LOXL2: variants seen among roughly 807,000 people sequenced by gnomAD.
The protein encoded by LOXL2 is lysyl oxidase homolog 2.
Under a neutral mutation model 93.0 loss-of-function variants are expected in LOXL2, and 70 were observed. The observed-to-expected ratio is 0.75, with a 90% CI of 0.62 to 0.92. LOXL2 has a LOEUF of 0.92. LOXL2 is among the 40% of genes least tolerant of loss of function. The probability of loss-of-function intolerance (pLI) is 0.00; values close to 1 mark genes in which losing one functional copy is unlikely to be tolerated. For missense variants in LOXL2, 973 were observed against 1,054.9 expected (o/e 0.92, Z 1.08); for synonymous variants, 438 against 413.2 (o/e 1.06, Z -0.73).
intron 3 of LOXL2, among the ~76,000 whole-genome samples, chr8:23,344,993 A>C (rs1803946646): frequency 6.6e-6 from 1 of 152,200 alleles, no homozygotes; most frequent in East Asian, 1.9e-4. Context: ...GTCAGCTTTG[A>C]ATAATGACAG....
At chr8:23,342,792 C>T (rs148722402) in intron 3 of LOXL2, among the ~76,000 whole-genome samples, 1 of 152,022 alleles carries the variant, frequency 6.6e-6, no homozygotes, top group African/African-American at 2.4e-5. Flanking sequence ...ACTCTGTTGC[C>T]CAGGCTGGAG....
At chr8:23,328,213 G>A (rs1451864609) in intron 6 of LOXL2, among the ~76,000 whole-genome samples, 169 bp downstream of exon 6, 8 of 152,062 alleles carry the variant, frequency 5.3e-5, no homozygotes, top group South Asian at 2.1e-4. Flanking sequence ...GTTCTCTAAG[G>A]CCCCTTTCAA....
intron 1 of LOXL2, among the ~76,000 whole-genome samples, chr8:23,389,580 T>C (rs2117234600): frequency 6.6e-6 from 1 of 152,326 alleles, no homozygotes; most frequent in East Asian, 1.9e-4. Context: ...CAATTGTTTT[T>C]ATTGCCAATA....
At chr8:23,363,745 A>G (rs1461595805) in intron 2 of LOXL2, 2 of 151,494 alleles carry the variant, frequency 1.3e-5, no homozygotes, top group African/African-American at 4.8e-5. Flanking sequence ...TGGACCCCCA[A>G]TAATCTTCCA....
chr8:23,299,234 G>A (rs1477552864), intron 12 of LOXL2, among the ~76,000 whole-genome samples: 4 of 152,202 alleles, frequency 2.6e-5, no homozygotes, highest in African/African-American at 9.6e-5. Flanking sequence ...ACCCACTCCT[G>A]GGAGTTCTGG....
intron 4 of LOXL2, among the ~76,000 whole-genome samples, chr8:23,334,720 T>C (rs997387403): frequency 4.2e-4 from 64 of 151,890 alleles, no homozygotes; most frequent in Admixed American, 4.2e-3. Context: ...AAGTAATAGA[T>C]TGGCTACCAA....
rs576705012 is a variant in LOXL2 at position 23,321,807 on chromosome 8, G to A, written c.1302+323C>T. On this transcript the variant is annotated intron_variant, in intron 7 of 13. Coordinates refer to ENST00000389131, the MANE Select transcript of LOXL2 (RefSeq NM_002318.3). The stretch of plus-strand genomic sequence containing the variant: ...GCAGAGCACAGCCAGGCTGCACCGT[G>A]TTTTGATAAGGTTGTGGCTAGCCGG... The A allele has an allele frequency of 1.7e-5, 5 of 288,078 alleles. 1 individual carries two copies. The South Asian group carries it at 3.3e-4, about 19-fold the overall frequency. The allele number at this position is 288,078 out of a possible 1,614,324, so 17.8% of individuals were successfully genotyped here.
chr8:23,321,848 TGGA>T, intron 7 of LOXL2: 1 of 393,688 alleles, frequency 2.5e-6, no homozygotes, highest in South Asian at 4.0e-5. Context: ...CGCCTGTCTT[TGGA>T]GGTGGTGGGG....
At chr8:23,352,260 T>C (rs191968197) in intron 3 of LOXL2, among the ~76,000 whole-genome samples, 1 of 152,322 alleles carries the variant, frequency 6.6e-6, no homozygotes, top group Admixed American at 6.5e-5. Context: ...GTGCCCTTGC[T>C]GAAAAGTCCG....
At chr8:23,303,437 A>C (rs1803174079) in intron 10 of LOXL2, 40 bp from the exon 11 acceptor site, 1 of 1,198,818 alleles carries the variant, frequency 8.3e-7, no homozygotes, top group African/African-American at 1.5e-5. Flanking sequence ...CAGTTTCTGG[A>C]GCAACTGCTG....
intron 5 of LOXL2, among the ~76,000 whole-genome samples, chr8:23,330,196 C>T (rs978139067): frequency 2.0e-5 from 3 of 152,012 alleles, no homozygotes; most frequent in African/African-American, 2.4e-5. Context: ...TAGCCAGGTG[C>T]GGTGGCGGGT....
intron 5 of LOXL2, chr8:23,332,069 AAAG>A (rs1481198095): frequency 6.6e-6 from 1 of 151,422 alleles, no homozygotes. Context: ...GAAGAAAAGA[AAAG>A]AAAAGAAAAA....
chr8:23,393,758 A>G (rs574451711), intron 1 of LOXL2, among the ~76,000 whole-genome samples: 8 of 152,228 alleles, frequency 5.3e-5, no homozygotes, highest in Non-Finnish European at 2.9e-5. Flanking sequence ...TGCTTTATGA[A>G]CCAGGGCAGC....
chr8:23,352,084 G>A (rs973011548), intron 3 of LOXL2, among the ~76,000 whole-genome samples: 11 of 152,146 alleles, frequency 7.2e-5, no homozygotes, highest in African/African-American at 2.4e-4. Flanking sequence ...AAAGTACTGG[G>A]AATACAGGCG....
rs149960907 is a variant in LOXL2, at chr8:23,341,474, T to C, written c.532-271A>G. ...AGTCAGAAAAGACTCAGAGACCCCA[T>C]GGGCTTCTCCTACATCCGAACCTAA... On this transcript the variant is annotated intron_variant, in intron 3 of 13. Transcript: ENST00000389131. 495 of 517,800 alleles carry C rather than the reference T, an allele frequency of 9.6e-4. 2 individuals are homozygous for C. Among genetic ancestry groups the C allele is most frequent in the African/African-American group, 8.7e-3 (452 of 52,232 alleles). The allele number at this position is 517,800 out of a possible 1,614,324, so 32.1% of individuals were successfully genotyped here.
intron 1 of LOXL2, among the ~76,000 whole-genome samples, chr8:23,384,945 A>T (rs73226413): frequency 0.12 from 18,453 of 152,224 alleles, 1,377 homozygotes; most frequent in Admixed American, 0.18. Context: ...CTTTCCCAGC[A>T]TTCAACATGG....
At position 23,319,750 on chromosome 8, in the gene LOXL2, C is replaced by T. The variant is rs554970086; in HGVS notation, c.1470+135G>A. ...CTGTGGCCAGAGCGAGGCTCCCTGC[C>T]TCTGGGTCCAGGGCAACTTGCTCTG... On this transcript the variant is annotated intron_variant, in intron 8 of 13. Coordinates refer to ENST00000389131, the MANE Select transcript of LOXL2 (RefSeq NM_002318.3). 6 of 978,950 alleles carry T rather than the reference C, an allele frequency of 6.1e-6. No homozygotes were observed. The East Asian group carries it at 1.0e-4, about 16-fold the overall frequency. The allele number at this position is 978,950 out of a possible 1,614,324, so 60.6% of individuals were successfully genotyped here. A position where few individuals can be genotyped will look rare whatever the true frequency, so the allele number is the denominator to read the frequency against.
At chr8:23,321,303 GCCT>G (rs1225813218) in intron 7 of LOXL2, among the ~76,000 whole-genome samples, 1 of 132,364 alleles carries the variant, frequency 7.6e-6, no homozygotes, top group Admixed American at 7.6e-5. Flanking sequence ...GCCCGGGATG[GCCT>G]CTAGGACAGA....
chr8:23,311,658 G>A (rs1803321555), intron 9 of LOXL2, among the ~76,000 whole-genome samples: 1 of 152,218 alleles, frequency 6.6e-6, no homozygotes, highest in South Asian at 2.1e-4. Context: ...CCAGCAGGCA[G>A]CAGAACTCCT....
Sources: allele counts gnomAD v4.1 joint callset (sites outside exome capture counted in the v4.1 genomes callset), GRCh38; gene constraint gnomAD v4.1.1; transcripts MANE v1.5; gene names NCBI Gene and HGNC (gene_info 2026-07-23, HGNC 2026-07-21).